Variants in IL1RN observed in about 807,000 individuals in gnomAD.
IL1RN encodes the protein interleukin-1 receptor antagonist protein.
A neutral mutation model predicts 13.7 loss-of-function variants in IL1RN; 10 were observed. That is an observed-to-expected ratio of 0.73 (90% CI 0.45 to 1.24). The LOEUF (loss-of-function observed/expected upper bound fraction) is 1.24. Ranked by LOEUF, IL1RN falls within the 50% of genes most tolerant of loss-of-function variation. The pLI, the probability that IL1RN is intolerant of heterozygous loss-of-function variation, is 0.00. For synonymous variants in IL1RN, 102 were observed against 82.7 expected (o/e 1.23, Z -1.27); for missense variants, 213 against 222.1 (o/e 0.96, Z 0.26).
At chr2:113,102,302 C>T (rs1396386104), upstream of IL1RN, among the ~76,000 whole-genome samples, 1 of 152,236 alleles carries the variant, frequency 6.6e-6, no homozygotes, top group Non-Finnish European at 1.5e-5. Flanking sequence ...GTCTCTACCT[C>T]TTCTTATAAG....
chr2:113,100,409 G>A, the IL1RN span, among the ~76,000 whole-genome samples: 1 of 152,066 alleles, frequency 6.6e-6, no homozygotes, highest in Admixed American at 6.5e-5. Flanking sequence ...TACTAGCTGA[G>A]CCTTGTGCTA....
upstream of IL1RN, chr2:113,117,673 C>T (rs866439477): frequency 4.1e-5 from 19 of 465,798 alleles, no homozygotes; most frequent in African/African-American, 2.1e-4. Flanking sequence ...GGGGTAAGCA[C>T]GAAGGCCCAG....
chr2:113,105,639 C>T (rs957990295), upstream of IL1RN, among the ~76,000 whole-genome samples: 1 of 152,068 alleles, frequency 6.6e-6, no homozygotes, highest in African/African-American at 2.4e-5. Flanking sequence ...TTTTGATCCC[C>T]CAGTTGGGTG....
At chr2:113,131,854 C>A (rs911002339) in intron 3 of IL1RN, among the ~76,000 whole-genome samples, 1 of 152,134 alleles carries the variant, frequency 6.6e-6, no homozygotes, top group Admixed American at 6.5e-5. Context: ...TGGATGCAAG[C>A]TTAACCTCAA....
chr2:113,117,932 G>A lies in IL1RN; in HGVS notation c.-87G>A, dbSNP rs2234677. On this transcript the variant is annotated 5_prime_UTR_variant, in exon 1 of 6. Coordinates refer to the IL1RN transcript ENST00000259206. ...TGGGAGGGACTGTGGCCCAGGTACT[G>A]CCCGGGTGCTACTTTATGGGCAGCA... 202,502 of 837,914 alleles carry A rather than the reference G, an allele frequency of 0.24. 27,199 individuals carry two copies. The highest frequency in any genetic ancestry group is 0.31 in the Admixed American group (18,043 of 59,000). 51.9% of individuals were successfully genotyped at this position (837,914 alleles called of 1,614,324 possible).
intron 2 of IL1RN, chr2:113,121,445 C>CA (rs1282713985): frequency 1.0e-6 from 1 of 985,138 alleles, no homozygotes; most frequent in Admixed American, 6.2e-5. Flanking sequence ...CTCCTGTCTG[C>CA]AGGGGGATTA....
At chr2:113,115,081 G>A (rs909200807), upstream of IL1RN, among the ~76,000 whole-genome samples, 4 of 152,192 alleles carry the variant, frequency 2.6e-5, no homozygotes, top group Admixed American at 6.5e-5. Flanking sequence ...GTCTATGACC[G>A]TAAACAACTA....
chr2:113,118,140 G>A, intron 1 of IL1RN: 1 of 1,556,840 alleles, frequency 6.4e-7, no homozygotes, highest in Non-Finnish European at 8.8e-7. Flanking sequence ...CCAGGAAAAT[G>A]TCAAGCGCAT....
chr2:113,127,750 C>A lies in IL1RN; in HGVS notation c.116+10C>A. On this transcript the variant is annotated intron_variant, in intron 1 of 3. Transcript: ENST00000409930. ...AGATGCAAGCCTTCAGGTAAGGCTACCCCAAGGAGGAGAAGGTGAGGGTGG... is the reference window on the plus strand; with the variant it reads ...AGATGCAAGCCTTCAGGTAAGGCTAACCCAAGGAGGAGAAGGTGAGGGTGG... 1.2e-6 allele frequency: 2 copies of A among 1,612,634 alleles called. No homozygotes were observed. The highest frequency in any genetic ancestry group is 1.3e-5 in the African/African-American group (1 of 74,998).
upstream of IL1RN, among the ~76,000 whole-genome samples, chr2:113,115,946 G>A (rs1464501415): frequency 6.6e-6 from 1 of 152,164 alleles, no homozygotes; most frequent in African/African-American, 2.4e-5. Flanking sequence ...GACCAGCTAG[G>A]CCCCTAGCTC....
chr2:113,127,447 T>G (rs1686999918), upstream of IL1RN: 2 of 1,397,860 alleles, frequency 1.4e-6, no homozygotes, highest in African/African-American at 1.5e-5. Context: ...TTGCGACACT[T>G]AGTGGGGTTG....
At chr2:113,113,693 A>G (rs982831410), upstream of IL1RN, among the ~76,000 whole-genome samples, 1 of 152,204 alleles carries the variant, frequency 6.6e-6, no homozygotes, top group Admixed American at 6.5e-5. Flanking sequence ...ACTTATCCCC[A>G]AACTAATTGA....
At chr2:113,107,568 A>C (rs969038648), upstream of IL1RN, among the ~76,000 whole-genome samples, 1 of 70,238 alleles carries the variant, frequency 1.4e-5, no homozygotes, top group African/African-American at 6.9e-5. Flanking sequence ...TACTAAAAAT[A>C]CAAAAAAAAA....
chr2:113,100,268 G>C, the IL1RN span, among the ~76,000 whole-genome samples: 1 of 150,678 alleles, frequency 6.6e-6, no homozygotes, highest in African/African-American at 2.4e-5. Flanking sequence ...GGAGCTTGCA[G>C]TGAGCCGAGA....
At chr2:113,113,881 T>G (rs1686544424), upstream of IL1RN, among the ~76,000 whole-genome samples, 1 of 152,234 alleles carries the variant, frequency 6.6e-6, no homozygotes, top group Non-Finnish European at 1.5e-5. Flanking sequence ...GTGAGCTTTG[T>G]GGCTGTGGAT....
intron 2 of IL1RN, chr2:113,120,136 A>G: frequency 1.9e-6 from 3 of 1,606,540 alleles, no homozygotes; most frequent in Non-Finnish European, 2.6e-6. Flanking sequence ...AGGGTAAATT[A>G]TTTTTAGGAT....
At chr2:113,124,611 G>T (rs980446745), upstream of IL1RN, among the ~76,000 whole-genome samples, 1 of 152,094 alleles carries the variant, frequency 6.6e-6, no homozygotes, top group East Asian at 1.9e-4. Flanking sequence ...CAAAAGCCAC[G>T]GTGTGAGTAT....
chr2:113,105,413 A>G (rs993287521), upstream of IL1RN, among the ~76,000 whole-genome samples: 1 of 152,226 alleles, frequency 6.6e-6, no homozygotes, highest in Non-Finnish European at 1.5e-5. Flanking sequence ...TATGTCACTC[A>G]TTAAAGATGT....
chr2:113,105,433 A>C (rs1227604868), upstream of IL1RN, among the ~76,000 whole-genome samples: 1 of 152,146 alleles, frequency 6.6e-6, no homozygotes, highest in African/African-American at 2.4e-5. Context: ...TATCAGGGTA[A>C]ATTTTAGGTG....
Sources: gnomAD v4.1 joint callset for allele counts (sites outside exome capture counted in the v4.1 genomes callset) on GRCh38, gnomAD v4.1.1 for gene constraint, MANE v1.5 for transcripts, NCBI Gene and HGNC (gene_info 2026-07-23, HGNC 2026-07-21) for gene names.